The following ZNF717 variants were observed in gnomAD, a reference collection of about 807,000 sequenced individuals.
The protein encoded by ZNF717 is krueppel-like factor X17.
In ZNF717, 9 loss-of-function variants were observed where a neutral mutation model predicts 13.8. That is an observed-to-expected ratio of 0.65 (90% CI 0.39 to 1.14). The LOEUF (loss-of-function observed/expected upper bound fraction) is 1.14. Among genes scored for constraint, ZNF717 ranks in the 50% most tolerant of loss-of-function variants. The probability of loss-of-function intolerance (pLI) is 0.01; values close to 1 mark genes in which losing one functional copy is unlikely to be tolerated. For missense variants in ZNF717, 1,040 were observed against 1,080.7 expected, an observed-to-expected ratio of 0.96 and a Z score of 0.53; for synonymous variants, 327 against 364.1, an observed-to-expected ratio of 0.90 and a Z score of 1.16.
At position 75,695,709 on chromosome 3, in the gene ZNF717, A is replaced by G. The variant is rs1365984391; in HGVS notation, n.1085+15478T>C. 1.1e-4 allele frequency among the ~76,000 whole-genome samples: 16 copies of G among 152,352 alleles called. No homozygotes were observed. The East Asian group carries it at 3.1e-3, about 29-fold the overall frequency. The stretch of plus-strand genomic sequence containing the variant: ...TACAAACACAAGGATATTAAACAAT[A>G]TGCTCCTGAATGATTAGTAGGTCGA... On this transcript the variant is annotated intron_variant and non_coding_transcript_variant, in intron 6 of 6. Coordinates refer to the ZNF717 transcript ENST00000648506.
Position 75,738,403 on chromosome 3 carries a change from T to C in ZNF717, c.1220A>G (p.Lys407Arg). ...TCTATGATGTATTGTGAGGTATGACTTCTGGCTAAAGGTTTTTCCACATTC... is the reference window on the plus strand; with the variant it reads ...TCTATGATGTATTGTGAGGTATGACCTCTGGCTAAAGGTTTTTCCACATTC... Reference protein sequence around the residue: ...CSECGKTFSQKSYLTIHHRTH... With the variant: ...CSECGKTFSQRSYLTIHHRTH... The change falls in exon 5 of 5, where the codon AAG becomes AGG. Residue 407 changes from lysine (K) to arginine (R), a missense_variant. Lys to Arg is a conservative substitution (Grantham distance 26, BLOSUM62 2). This residue lies in a region of ZNF717 where 873 missense variants were observed against 832.8 expected (regional missense o/e 1.05). Transcript: ENST00000652011. 1 of 1,532,414 alleles carries C rather than the reference T, an allele frequency of 6.5e-7. No individual in the cohort carries two copies. The allele number at this position is 1,532,414 out of a possible 1,614,324, so 94.9% of individuals were successfully genotyped here.
At chr3:75,748,567 T>G (rs1575815019) in intron 2 of ZNF717, among the ~76,000 whole-genome samples, 1 of 152,156 alleles carries the variant, frequency 6.6e-6, no homozygotes, top group Non-Finnish European at 1.5e-5. Context: ...ATCCAGCATA[T>G]AAACAGAACC....
chr3:75,702,346 G>T (rs1937712435), intron 6 of ZNF717, among the ~76,000 whole-genome samples: 1 of 152,304 alleles, frequency 6.6e-6, no homozygotes, highest in Admixed American at 6.5e-5. Flanking sequence ...AAGTCTTTAT[G>T]TTAAGTGAAA....
intron 2 of ZNF717, among the ~76,000 whole-genome samples, chr3:75,745,282 T>C (rs1340508385): frequency 5.3e-5 from 8 of 152,174 alleles, no homozygotes; most frequent in East Asian, 1.9e-4. Flanking sequence ...TGCAGTAGCG[T>C]TCTGGCATCC....
At chr3:75,725,093 T>TTA, downstream of ZNF717, among the ~76,000 whole-genome samples, 1 of 151,600 alleles carries the variant, frequency 6.6e-6, no homozygotes, top group African/African-American at 2.4e-5. Flanking sequence ...TCCCTCCCTC[T>TTA]CATCTGAAAT....
At chr3:75,775,278 A>C (rs888095885) in intron 2 of ZNF717, among the ~76,000 whole-genome samples, 3 of 152,236 alleles carry the variant, frequency 2.0e-5, no homozygotes, top group African/African-American at 7.2e-5. Context: ...TATGGTTATT[A>C]AGTTATTGTA....
Position 75,780,875 on chromosome 3 carries a change from T to C in ZNF717, c.57+2431A>G, listed in dbSNP as rs573985006. On this transcript the variant is annotated intron_variant, in intron 2 of 4. Coordinates refer to ENST00000652011, the MANE Select transcript of ZNF717 (RefSeq NM_001290208.3). ...ATCCTAGAACAAACCAGGTTTTGTT[T>C]TTCTCCTGTAAACAGGACGTTCCAG... Among the ~76,000 whole-genome samples the C allele has an allele frequency of 1.2e-4, 19 of 152,398 alleles. No homozygotes were observed. In the East Asian group the frequency reaches 3.7e-3, roughly 29 times the overall value.
chr3:75,734,795 TTATATATATA>T (rs1295066161), downstream of ZNF717, among the ~76,000 whole-genome samples: 11 of 85,436 alleles, frequency 1.3e-4, no homozygotes, highest in South Asian at 4.6e-3. Flanking sequence ...ATGTATGCAA[TTATATATATA>T]TATATATATA....
At chr3:75,754,932 G>A (rs1942339200) in intron 2 of ZNF717, among the ~76,000 whole-genome samples, 1 of 152,054 alleles carries the variant, frequency 6.6e-6, no homozygotes, top group Non-Finnish European at 1.5e-5. Flanking sequence ...GGAAAACTCT[G>A]AAAGAAACCA....
downstream of ZNF717, among the ~76,000 whole-genome samples, chr3:75,729,172 G>T (rs1938371327): frequency 6.6e-6 from 1 of 152,152 alleles, no homozygotes; most frequent in African/African-American, 2.4e-5. Flanking sequence ...GCAGAGGGGT[G>T]AGAACAGACT....
chr3:75,708,866 C>T (rs1305385180), downstream of ZNF717, among the ~76,000 whole-genome samples: 5 of 152,166 alleles, frequency 3.3e-5, no homozygotes. Context: ...ATGGTTCTGG[C>T]ATCTGCTTCT....
chr3:75,754,943 G>A (rs1942339764), intron 2 of ZNF717, among the ~76,000 whole-genome samples: 3 of 152,086 alleles, frequency 2.0e-5, no homozygotes, highest in Admixed American at 6.5e-5. Flanking sequence ...AAAGAAACCA[G>A]AGGTGGGGCA....
downstream of ZNF717, among the ~76,000 whole-genome samples, chr3:75,728,135 C>A (rs1363684870): frequency 1.2e-4 from 18 of 152,308 alleles, no homozygotes; most frequent in African/African-American, 4.3e-4. Context: ...AACATATACA[C>A]CATCTAGGGT....
chr3:75,703,680 C>T (rs1403579827), intron 6 of ZNF717, among the ~76,000 whole-genome samples: 156 of 152,394 alleles, frequency 1.0e-3, no homozygotes, highest in African/African-American at 3.4e-3. Context: ...ACTAATTTTA[C>T]TGTTTTCTGC....
At chr3:75,751,711 G>C (rs1319879671) in intron 2 of ZNF717, among the ~76,000 whole-genome samples, 4 of 150,474 alleles carry the variant, frequency 2.7e-5, no homozygotes, top group Non-Finnish European at 5.9e-5. Flanking sequence ...CCCTCACATA[G>C]GATTCCAGAA....
downstream of ZNF717, among the ~76,000 whole-genome samples, chr3:75,728,839 C>T (rs111229962): frequency 6.6e-6 from 1 of 152,158 alleles, no homozygotes; most frequent in African/African-American, 2.4e-5. Context: ...TCATTCATGC[C>T]TTTGTCTCAG....
downstream of ZNF717, among the ~76,000 whole-genome samples, chr3:75,726,924 C>T (rs1365760822): frequency 6.6e-6 from 1 of 152,086 alleles, no homozygotes; most frequent in East Asian, 1.9e-4. Context: ...TCATGTGCCT[C>T]ATAATGAACA....
At chr3:75,716,231 G>A (rs1348715977) in intron 5 of ZNF717, among the ~76,000 whole-genome samples, 1 of 148,540 alleles carries the variant, frequency 6.7e-6, no homozygotes, top group Non-Finnish European at 1.5e-5. Flanking sequence ...CACCCACCTT[G>A]GCCTCCCAAG....
At chr3:75,717,063 C>A (rs1341105982) in intron 4 of ZNF717, among the ~76,000 whole-genome samples, 7 of 152,286 alleles carry the variant, frequency 4.6e-5, no homozygotes, top group Admixed American at 3.3e-4. Flanking sequence ...GGGCTCAGTG[C>A]TTTCTCCAGA....
Sources: allele counts gnomAD v4.1 joint callset (sites outside exome capture counted in the v4.1 genomes callset), GRCh38; gene constraint gnomAD v4.1.1; regional missense constraint gnomAD v4.1.1; transcripts MANE v1.5; gene names NCBI Gene and HGNC (gene_info 2026-07-23, HGNC 2026-07-21).